The following PCDHA11 variants were observed in gnomAD, a reference collection of about 807,000 sequenced individuals.
PCDHA11 encodes the protein protocadherin alpha 11.
A neutral mutation model predicts 70.3 loss-of-function variants in PCDHA11; 61 were observed. The ratio of observed to expected loss-of-function variants is 0.87; its 90% confidence interval spans 0.71 to 1.07. PCDHA11 has a LOEUF of 1.07. Among genes scored for constraint, PCDHA11 ranks in the 50% least tolerant of loss-of-function variants. PCDHA11 has a pLI of 0.00. For synonymous variants in PCDHA11, 633 were observed against 555.1 expected, an observed-to-expected ratio of 1.14 and a Z score of -1.97; for missense variants, 1,324 against 1,237.5, an observed-to-expected ratio of 1.07 and a Z score of -1.05.
chr5:140,962,557 C>A (rs1554226125), intron 1 of PCDHA11, among the ~76,000 whole-genome samples: 2 of 152,112 alleles, frequency 1.3e-5, no homozygotes, highest in Admixed American at 6.6e-5. Flanking sequence ...AGGATCTCCC[C>A]CTAAAAGCCA....
In PCDHA11 at chr5:141,012,200, T is replaced by A. The variant is rs2098423248; in HGVS notation, c.*2263T>A. On this transcript the variant is annotated 3_prime_UTR_variant, in exon 4 of 4. Coordinates refer to ENST00000398640, the MANE Select transcript of PCDHA11 (RefSeq NM_018902.5). The stretch of plus-strand genomic sequence containing the variant: ...TAATTATAATGTATCTGTACAGCAC[T>A]TTTTACATTTGCGAAGTGCTTTCCA... 6.5e-6 allele frequency: 1 copy of A among 153,778 alleles called. No homozygotes were observed. The highest frequency in any genetic ancestry group is 1.5e-5 in the Non-Finnish European group (1 of 68,048). 9.5% of individuals were successfully genotyped at this position (153,778 alleles called of 1,614,324 possible). A position where few individuals can be genotyped will look rare whatever the true frequency, so the allele number is the denominator to read the frequency against.
At chr5:140,909,344 C>T (rs900022411) in intron 1 of PCDHA11, among the ~76,000 whole-genome samples, 1 of 152,164 alleles carries the variant, frequency 6.6e-6, no homozygotes, top group Non-Finnish European at 1.5e-5. Context: ...TACCAGGTAC[C>T]AAGAGATGTG....
chr5:140,909,575 G>A (rs114329297), intron 1 of PCDHA11, among the ~76,000 whole-genome samples: 373 of 152,290 alleles, frequency 2.4e-3, no homozygotes, highest in African/African-American at 8.5e-3. Context: ...CCAGAGATGT[G>A]ATATGTTTTT....
At chr5:140,968,036 A>T in intron 1 of PCDHA11, 1 of 1,614,160 alleles carries the variant, frequency 6.2e-7, no homozygotes, top group Non-Finnish European at 8.5e-7. Context: ...ACTGGTGGTG[A>T]GCGGCCCACT....
intron 1 of PCDHA11, among the ~76,000 whole-genome samples, chr5:140,893,780 C>T (rs966071281): frequency 4.6e-5 from 7 of 151,980 alleles, no homozygotes; most frequent in Admixed American, 6.6e-5. Context: ...TTTCTTTTAC[C>T]GTTTTTAGAA....
chr5:140,876,899 C>T (rs781884794), intron 1 of PCDHA11: 2 of 1,614,092 alleles, frequency 1.2e-6, no homozygotes, highest in South Asian at 2.2e-5. Context: ...CACATCTTCA[C>T]GGTGTCGGCA....
intron 1 of PCDHA11, among the ~76,000 whole-genome samples, chr5:140,945,791 G>T (rs782283550): frequency 1.3e-5 from 2 of 152,064 alleles, no homozygotes; most frequent in Non-Finnish European, 2.9e-5. Flanking sequence ...GCAGAAAAAT[G>T]AAACTAGACC....
At chr5:141,000,430 T>A (rs1295455270) in intron 3 of PCDHA11, among the ~76,000 whole-genome samples, 2 of 126,420 alleles carry the variant, frequency 1.6e-5, no homozygotes, top group African/African-American at 6.1e-5. Context: ...TATTTTTTTT[T>A]TTTTTTTTTT....
In PCDHA11 at chr5:140,937,565, T is replaced by C. The variant is rs528061401; in HGVS notation, c.2392-41384T>C. ...CTGCGAGGCAGAGGTTGCAGTGAGC[T>C]GGGATCGCGTCACTGCACTCTAGCC... On this transcript the variant is annotated intron_variant, in intron 1 of 3. Transcript: ENST00000398640. Among the ~76,000 whole-genome samples the C allele has an allele frequency of 1.9e-3, 290 of 151,276 alleles. 1 individual carries two copies. The highest frequency in any genetic ancestry group is 6.8e-3 in the African/African-American group (279 of 40,958).
Position 140,869,875 on chromosome 5 carries a change from G to C in PCDHA11, c.772G>C (p.Glu258Gln). 2 of 1,610,396 alleles carry C rather than the reference G, an allele frequency of 1.2e-6. No homozygotes were observed. Reference sequence around the variant, plus strand: ...GAGCCTTATGGAAAATGCTGCTAAAGAAACTCTTGTGCTCAAACTAAACGC... The same window carrying C: ...GAGCCTTATGGAAAATGCTGCTAAACAAACTCTTGTGCTCAAACTAAACGC... ...KVSLMENAAKETLVLKLNATD... is the reference protein window; with the variant it reads ...KVSLMENAAKQTLVLKLNATD... The change falls in exon 1 of 4, where the codon GAA (glutamate) becomes CAA (glutamine). Residue 258 changes from glutamate (E) to glutamine (Q), a missense_variant. By Grantham distance (29) the Glu-to-Gln change is conservative (BLOSUM62 2). Transcript: ENST00000398640.
chr5:140,898,389 G>A (rs1402524208), intron 1 of PCDHA11, among the ~76,000 whole-genome samples: 3 of 152,190 alleles, frequency 2.0e-5, no homozygotes, highest in Non-Finnish European at 4.4e-5. Flanking sequence ...AAGGGATCCA[G>A]TTTCAGCTTT....
intron 1 of PCDHA11, chr5:140,969,349 G>A (rs782345683): frequency 3.1e-5 from 50 of 1,612,958 alleles, no homozygotes; most frequent in Non-Finnish European, 4.2e-5. Context: ...AGTGGTCAGG[G>A]GGTCTTCTAC....
rs114181547 is a variant in PCDHA11, at chr5:140,916,746, T to C, written c.2391+45252T>C. Among the ~76,000 whole-genome samples, 1,217 of 152,314 alleles carry C rather than the reference T, an allele frequency of 8.0e-3. 6 individuals carry two copies. Among genetic ancestry groups the C allele is most frequent in the African/African-American group, 0.019 (786 of 41,576 alleles). ...TTTTGTTGCTGCAAGCTTCACTGCC[T>C]GGGATTAGGGGAGGGGTGGCACAAG... On this transcript the variant is annotated intron_variant, in intron 1 of 3. Coordinates refer to ENST00000398640, the MANE Select transcript of PCDHA11 (RefSeq NM_018902.5).
At chr5:140,951,988 A>C (rs2094668820) in intron 1 of PCDHA11, among the ~76,000 whole-genome samples, 1 of 152,226 alleles carries the variant, frequency 6.6e-6, no homozygotes, top group African/African-American at 2.4e-5. Context: ...GGGAAAAACC[A>C]GCCAAAAGAA....
At chr5:140,917,224 G>T (rs142866496) in intron 1 of PCDHA11, among the ~76,000 whole-genome samples, 1 of 150,920 alleles carries the variant, frequency 6.6e-6, no homozygotes, top group African/African-American at 2.4e-5. Flanking sequence ...TTAGTGATAC[G>T]TTGTTAAATC....
chr5:140,917,338 G>GGGGGGGT (rs2078134893), intron 1 of PCDHA11, among the ~76,000 whole-genome samples: 1 of 137,894 alleles, frequency 7.3e-6, no homozygotes, highest in Non-Finnish European at 1.6e-5. Context: ...GGAGGGGGGG[G>GGGGGGGT]ATGGTGTAGG....
intron 3 of PCDHA11, among the ~76,000 whole-genome samples, chr5:140,985,949 C>T (rs1195801055): frequency 2.6e-5 from 4 of 152,032 alleles, no homozygotes; most frequent in African/African-American, 9.7e-5. Context: ...CTGTGTTAGC[C>T]AGGATGGTCT....
At chr5:140,896,398 A>T (rs1322743669) in intron 1 of PCDHA11, among the ~76,000 whole-genome samples, 3 of 151,946 alleles carry the variant, frequency 2.0e-5, no homozygotes, top group African/African-American at 7.3e-5. Context: ...AGCATCTGTT[A>T]TTTTTGACTT....
chr5:140,871,272 G>C lies in PCDHA11; in HGVS notation c.2169G>C (p.Ser723=), dbSNP rs782818690. The part of the protein sequence containing the change: ...TLLLYTALWW[S]ATPTEGACAP... Reference sequence around the variant, plus strand: ...TGCTGTATACGGCGCTGTGGTGGTCGGCAACGCCCACTGAGGGCGCGTGCG... The same window carrying C: ...TGCTGTATACGGCGCTGTGGTGGTCCGCAACGCCCACTGAGGGCGCGTGCG... Residue 723 remains serine (S), a synonymous_variant, in exon 1 of 4, where the codon TCG becomes TCC. Coordinates refer to ENST00000398640, the MANE Select transcript of PCDHA11 (RefSeq NM_018902.5). 25 of 1,613,826 alleles carry C rather than the reference G, an allele frequency of 1.5e-5. No individual in the cohort carries two copies. The East Asian group carries it at 5.1e-4, about 33-fold the overall frequency.
Sources: allele counts gnomAD v4.1 joint callset (sites outside exome capture counted in the v4.1 genomes callset), GRCh38; gene constraint gnomAD v4.1.1; transcripts MANE v1.5; gene names NCBI Gene and HGNC (gene_info 2026-07-23, HGNC 2026-07-21).